CCDC32: variants seen among roughly 807,000 people sequenced by gnomAD.
CCDC32 encodes the protein coiled-coil domain containing 32.
CCDC32 carries 9 observed loss-of-function variants against 20.1 expected under a neutral mutation model. The observed-to-expected ratio is 0.45, with a 90% CI of 0.27 to 0.78. The LOEUF is 0.78. CCDC32 is among the 30% of genes least tolerant of loss of function. CCDC32 has a pLI of 0.16. For synonymous variants in CCDC32, 63 were observed against 79.0 expected, an observed-to-expected ratio of 0.80 and a Z score of 1.07; for missense variants, 204 against 215.5, an observed-to-expected ratio of 0.95 and a Z score of 0.33.
downstream of CCDC32, among the ~76,000 whole-genome samples, chr15:40,526,538 A>G (rs1052017396): frequency 3.9e-5 from 6 of 152,326 alleles, no homozygotes; most frequent in African/African-American, 1.2e-4. Flanking sequence ...GTAATGCTGC[A>G]GTGAATGCCT....
At chr15:40,551,773 C>A (rs140552531), downstream of CCDC32, among the ~76,000 whole-genome samples, 477 of 143,736 alleles carry the variant, frequency 3.3e-3, 4 homozygotes, top group African/African-American at 0.012. Context: ...TGCCACTGCC[C>A]TCCAGCCCTC....
chr15:40,532,212 C>T (rs1335530907), downstream of CCDC32: 6 of 679,722 alleles, frequency 8.8e-6, no homozygotes, highest in South Asian at 1.6e-5. Context: ...AGGTTTTGTG[C>T]GTTCATATGG....
downstream of CCDC32, among the ~76,000 whole-genome samples, chr15:40,552,425 G>C (rs929111716): frequency 6.8e-6 from 1 of 147,754 alleles, no homozygotes; most frequent in African/African-American, 2.5e-5. Context: ...AGGTTGCGGG[G>C]AGCCAAGATC....
chr15:40,564,832 T>A lies in CCDC32; in HGVS notation c.-13+144A>T, dbSNP rs550853429. ...CAGAACCACGCAGGAAATTCCGGCG[T>A]CCAGATCCCAGGCCTCAGTCGCTCA... On this transcript the variant is annotated intron_variant, in intron 1 of 3. Transcript: ENST00000416810. The A allele has an allele frequency of 6.8e-6, 11 of 1,613,222 alleles. No individual in the cohort carries two copies. The East Asian group carries it at 2.5e-4, about 36-fold the overall frequency.
At chr15:40,544,366 C>A (rs1889526612) in intron 3 of CCDC32, among the ~76,000 whole-genome samples, 1 of 152,102 alleles carries the variant, frequency 6.6e-6, no homozygotes, top group African/African-American at 2.4e-5. Context: ...GCATGCAGTA[C>A]CACGCCAGGC....
At chr15:40,528,405 C>T (rs1894926639), downstream of CCDC32, among the ~76,000 whole-genome samples, 1 of 152,182 alleles carries the variant, frequency 6.6e-6, no homozygotes, top group Admixed American at 6.5e-5. Context: ...ATCATTAACC[C>T]TGGAGCTTGC....
chr15:40,557,056 C>T (rs1890290033), intron 3 of CCDC32, 160 bp downstream of exon 3: 1 of 717,684 alleles, frequency 1.4e-6, no homozygotes, highest in Non-Finnish European at 2.2e-6. Flanking sequence ...GAACACAATG[C>T]TTTATCCTTA....
At chr15:40,531,507 G>A (rs1050897443), downstream of CCDC32, 1 of 151,984 alleles carries the variant, frequency 6.6e-6, no homozygotes, top group African/African-American at 2.4e-5. Context: ...TTTTTAAAAA[G>A]TAACAAAAAG....
chr15:40,560,017 A>ATTTTTTTTTTTTTTT, intron 2 of CCDC32, among the ~76,000 whole-genome samples: 1 of 152,078 alleles, frequency 6.6e-6, no homozygotes, highest in Non-Finnish European at 1.5e-5. Flanking sequence ...GGCCTAGGCA[A>ATTTTTTTTTTTTTTT]TTTTTATTTT....
downstream of CCDC32, chr15:40,538,747 ATT>A (rs1889241963): frequency 6.6e-6 from 1 of 152,606 alleles, no homozygotes; most frequent in Non-Finnish European, 1.5e-5. Context: ...GAACTTTTCC[ATT>A]TAAAATATTT....
downstream of CCDC32, among the ~76,000 whole-genome samples, chr15:40,550,502 G>A (rs1371050830): frequency 6.6e-6 from 1 of 152,224 alleles, no homozygotes. Flanking sequence ...TGACCATTCA[G>A]TAAGCCACAA....
At chr15:40,561,472 C>CAA (rs1222248827) in intron 2 of CCDC32, among the ~76,000 whole-genome samples, 205 of 97,664 alleles carry the variant, frequency 2.1e-3, no homozygotes, top group African/African-American at 7.0e-3. Flanking sequence ...GACTCCGTCT[C>CAA]AAAAAAAAAA....
intron 3 of CCDC32, among the ~76,000 whole-genome samples, chr15:40,556,382 T>A (rs1309957808): frequency 6.6e-6 from 1 of 152,236 alleles, no homozygotes; most frequent in African/African-American, 2.4e-5. Flanking sequence ...ATATTTGTCA[T>A]CTGCCCTCAA....
intron 3 of CCDC32, among the ~76,000 whole-genome samples, chr15:40,542,854 GAAAA>G (rs879726712): frequency 0.015 from 1,702 of 116,682 alleles, 28 homozygotes; most frequent in African/African-American, 0.051. Context: ...TGTCTCAAAA[GAAAA>G]AAAAAAAAAA....
intron 3 of CCDC32, among the ~76,000 whole-genome samples, chr15:40,539,554 CAA>C (rs900539283): frequency 8.6e-5 from 13 of 152,016 alleles, no homozygotes; most frequent in African/African-American, 1.7e-4. Context: ...GAGACAGAGA[CAA>C]GAGACAAACG....
At chr15:40,528,856 G>T in intron 3 of CCDC32, 1 of 675,428 alleles carries the variant, frequency 1.5e-6, no homozygotes, top group Non-Finnish European at 2.7e-6. Flanking sequence ...TTTGCATAAT[G>T]GTGGCTCTGA....
intron 3 of CCDC32, among the ~76,000 whole-genome samples, chr15:40,539,531 C>T (rs765017337): frequency 9.9e-5 from 15 of 151,888 alleles, no homozygotes; most frequent in Non-Finnish European, 1.6e-4. Context: ...AAAAATAAAG[C>T]AAAGTGGAGC....
chr15:40,539,146 G>A, downstream of CCDC32: 2 of 1,094,662 alleles, frequency 1.8e-6, no homozygotes, highest in Non-Finnish European at 1.3e-6. Context: ...AGTTGTTGCT[G>A]TTTCTCCCCA....
chr15:40,535,086 G>C (rs1484232862), downstream of CCDC32: 1 of 816,710 alleles, frequency 1.2e-6, no homozygotes, highest in African/African-American at 1.7e-5. Context: ...TGCTAAGCCA[G>C]CGACTCCAGG....
Sources: gnomAD v4.1 joint callset for allele counts (sites outside exome capture counted in the v4.1 genomes callset) on GRCh38, gnomAD v4.1.1 for gene constraint, MANE v1.5 for transcripts, NCBI Gene and HGNC (gene_info 2026-07-23, HGNC 2026-07-21) for gene names.